TINAG: variants seen among roughly 807,000 people sequenced by gnomAD.
TINAG encodes the protein tubulointerstitial nephritis antigen.
TINAG carries 83 observed loss-of-function variants against 72.7 expected under a neutral mutation model. That is an observed-to-expected ratio of 1.14 (90% CI 0.96 to 1.37). TINAG has a LOEUF of 1.37. TINAG is among the 40% of genes most tolerant of loss of function. The probability of loss-of-function intolerance (pLI) is 0.00; values close to 1 mark genes in which losing one functional copy is unlikely to be tolerated. For missense variants in TINAG, 685 were observed against 576.6 expected, an observed-to-expected ratio of 1.19 and a Z score of -1.93; for synonymous variants, 234 against 189.9, an observed-to-expected ratio of 1.23 and a Z score of -1.91.
intron 5 of TINAG, 27 bp from the exon 6 acceptor site, chr6:54,347,340 T>C (rs368404062): frequency 1.1e-5 from 18 of 1,609,770 alleles, no homozygotes; most frequent in Non-Finnish European, 1.5e-5. Flanking sequence ...ATCATTTCAA[T>C]ATTAATTGAT....
At chr6:54,333,379 A>G (rs192830481) in intron 4 of TINAG, among the ~76,000 whole-genome samples, 7 of 152,138 alleles carry the variant, frequency 4.6e-5, no homozygotes, top group African/African-American at 1.7e-4. Flanking sequence ...AGAAAACCAA[A>G]CACTGCATGT....
chr6:54,377,589 T>C (rs182415357), intron 9 of TINAG, among the ~76,000 whole-genome samples: 1 of 152,184 alleles, frequency 6.6e-6, no homozygotes, highest in African/African-American at 2.4e-5. Context: ...TGTTTGTAAA[T>C]AATCTTCAAA....
chr6:54,345,187 G>C (rs1185616950), intron 5 of TINAG, among the ~76,000 whole-genome samples: 4 of 152,086 alleles, frequency 2.6e-5, no homozygotes, highest in East Asian at 1.9e-4. Flanking sequence ...TTTAAGAAGA[G>C]AGTGGAAAAC....
In TINAG at chr6:54,337,612, C is replaced by A. The variant is rs116776684; in HGVS notation, c.625-5614C>A. Among the ~76,000 whole-genome samples the A allele has an allele frequency of 3.1e-3, 474 of 152,244 alleles. 2 individuals are homozygous for A. The highest frequency in any genetic ancestry group is 5.5e-3 in the Non-Finnish European group (374 of 68,010). On this transcript the variant is annotated intron_variant, in intron 4 of 10. Coordinates refer to ENST00000259782, the MANE Select transcript of TINAG (RefSeq NM_014464.4). ...CCCTGTCTGAACAAACATCTCCTACCTGATTGCAATACCATATGTCACCCT... is the reference window on the plus strand; with the variant it reads ...CCCTGTCTGAACAAACATCTCCTACATGATTGCAATACCATATGTCACCCT...
chr6:54,340,390 T>C (rs1353065117), intron 4 of TINAG, among the ~76,000 whole-genome samples: 1 of 146,834 alleles, frequency 6.8e-6, no homozygotes, highest in Non-Finnish European at 1.5e-5. Flanking sequence ...TTTTGTTTTA[T>C]TAAGCAAAAA....
chr6:54,350,297 A>T (rs1310088784), intron 7 of TINAG, among the ~76,000 whole-genome samples: 1 of 152,000 alleles, frequency 6.6e-6, no homozygotes, highest in Non-Finnish European at 1.5e-5. Flanking sequence ...GGTCTAATAG[A>T]AAAAAGAGTC....
rs1405178416 is a variant in TINAG, at chr6:54,351,450, A to T, written c.1126+53A>T. On this transcript the variant is annotated intron_variant, in intron 8 of 10. Coordinates refer to ENST00000259782, the MANE Select transcript of TINAG (RefSeq NM_014464.4). ...CTTACTCATTCCTTTAATAAACAAC[A>T]TTACATTGAGCTCATGTAATAGGAG... The T allele has an allele frequency of 3.9e-6, 6 of 1,535,066 alleles. No homozygotes were observed. The African/African-American group carries it at 8.2e-5, about 21-fold the overall frequency.
At chr6:54,348,954 G>T (rs977924879) in intron 6 of TINAG, among the ~76,000 whole-genome samples, 1 of 152,040 alleles carries the variant, frequency 6.6e-6, no homozygotes, top group African/African-American at 2.4e-5. Flanking sequence ...TCAGCATAGA[G>T]TATCTACAAT....
intron 10 of TINAG, among the ~76,000 whole-genome samples, chr6:54,388,002 T>A (rs773068226): frequency 5.9e-5 from 9 of 152,196 alleles, no homozygotes; most frequent in Non-Finnish European, 1.2e-4. Flanking sequence ...AATGCACATT[T>A]GCTTATACAA....
At chr6:54,347,619 A>T in intron 6 of TINAG, 102 bp downstream of exon 6, 1 of 1,185,986 alleles carries the variant, frequency 8.4e-7, no homozygotes, top group Non-Finnish European at 1.2e-6. Context: ...AGTACTTAAA[A>T]ATATATATAC....
At chr6:54,378,023 G>C (rs569654807) in intron 9 of TINAG, among the ~76,000 whole-genome samples, 1 of 152,170 alleles carries the variant, frequency 6.6e-6, no homozygotes, top group East Asian at 1.9e-4. Flanking sequence ...AACTGTCTTA[G>C]AAGCTGTCTA....
chr6:54,347,395 G>A lies in TINAG; in HGVS notation c.777G>A (p.Gln259=), dbSNP rs1785148869. Residue 259 remains glutamine (Q), a synonymous_variant, in exon 6 of 11, where the codon CAG becomes CAA. Transcript: ENST00000259782. ...TGGCTGCTGACCGAATAGCAATTCA[G>A]TCTAAGGGTCGATACACGGCCAATC... The part of the protein sequence containing the change: ...ASVAADRIAI[Q]SKGRYTANLS... The A allele has an allele frequency of 1.2e-6, 2 of 1,612,952 alleles. No homozygotes were observed. The highest frequency in any genetic ancestry group is 1.7e-6 in the Non-Finnish European group (2 of 1,179,460).
chr6:54,325,141 T>G (rs538911062), intron 3 of TINAG, among the ~76,000 whole-genome samples: 5 of 152,344 alleles, frequency 3.3e-5, no homozygotes, highest in African/African-American at 4.8e-5. Flanking sequence ...TCCTTCCAGA[T>G]AGAGAACTAA....
chr6:54,338,878 A>G (rs984000884), intron 4 of TINAG, among the ~76,000 whole-genome samples: 1 of 152,168 alleles, frequency 6.6e-6, no homozygotes, highest in Non-Finnish European at 1.5e-5. Context: ...ATACATTAGC[A>G]GTTTGTAAAA....
intron 9 of TINAG, among the ~76,000 whole-genome samples, chr6:54,363,384 C>A (rs1763298967): frequency 6.6e-6 from 1 of 151,288 alleles, no homozygotes; most frequent in Non-Finnish European, 1.5e-5. Context: ...AGAGTTTGGA[C>A]TTGGTAAGAT....
At chr6:54,316,638 A>G (rs752100771) in intron 1 of TINAG, among the ~76,000 whole-genome samples, 1 of 152,176 alleles carries the variant, frequency 6.6e-6, no homozygotes, top group African/African-American at 2.4e-5. Flanking sequence ...CTATTTTAAA[A>G]TAAATTATAG....
At chr6:54,347,588 A>G in intron 6 of TINAG, 71 bp downstream of exon 6, 2 of 1,518,334 alleles carry the variant, frequency 1.3e-6, no homozygotes, top group South Asian at 1.3e-5. Context: ...AAGGAAAATA[A>G]TCCCAAGATT....
intron 5 of TINAG, among the ~76,000 whole-genome samples, chr6:54,345,966 T>A (rs1015553685): frequency 8.6e-5 from 13 of 152,002 alleles, no homozygotes; most frequent in Non-Finnish European, 1.9e-4. Context: ...CTAAGAAAAG[T>A]GAATGAATAG....
chr6:54,364,165 G>A (rs1427173908), intron 9 of TINAG, among the ~76,000 whole-genome samples: 1 of 151,336 alleles, frequency 6.6e-6, no homozygotes, highest in Admixed American at 6.6e-5. Context: ...ATAACCAGGG[G>A]AACCCAAAGG....
Sources: allele counts gnomAD v4.1 joint callset (sites outside exome capture counted in the v4.1 genomes callset), GRCh38; gene constraint gnomAD v4.1.1; transcripts MANE v1.5; gene names NCBI Gene and HGNC (gene_info 2026-07-23, HGNC 2026-07-21).